Variants in ATP2B3 observed in about 807,000 individuals in gnomAD.
ATP2B3 encodes the protein ATPase plasma membrane Ca2+ transporting 3, also known as plasma membrane calcium-transporting ATPase 3.
In ATP2B3, 12 loss-of-function variants were observed where a neutral mutation model predicts 70.8. The ratio of observed to expected loss-of-function variants is 0.17; its 90% confidence interval spans 0.11 to 0.27. The LOEUF is 0.27. ATP2B3 is among the 10% of genes least tolerant of loss of function. The pLI is 1.00. For missense variants in ATP2B3, 858 were observed against 1,118.5 expected (o/e 0.77, Z 3.32); for synonymous variants, 460 against 497.8 (o/e 0.92, Z 1.01).
rs782532171 is a variant in ATP2B3 at position 153,569,830 on chromosome X, T to C, written c.3342+4727T>C. 2.1e-5 allele frequency: 23 copies of C among 1,111,952 alleles called. No individual in the cohort carries two copies. In the African/African-American group the frequency reaches 3.3e-4, roughly 16 times the overall value. 91.6% of individuals were successfully genotyped at this position (1,111,952 alleles called of 1,213,427 possible). ...AATAAGCCTCCCCAGCTCGGCCTTC[T>C]CTCTTTTGCAGTCTTGCATTCCGCT... On this transcript the variant is annotated intron_variant, in intron 21 of 21. Coordinates refer to ENST00000263519, the MANE Select transcript of ATP2B3 (RefSeq NM_001001344.3).
Position 153,550,030 on chromosome X carries a change from C to G in ATP2B3, c.1582-15C>G. The G allele has an allele frequency of 8.3e-7, 1 of 1,206,097 alleles. No individual in the cohort carries two copies. The highest frequency in any genetic ancestry group is 1.1e-6 in the Non-Finnish European group (1 of 891,426). The stretch of plus-strand genomic sequence containing the variant: ...CTCAGGCCCCCAGTGCCTGCTAGCC[C>G]TCGTCATCTTGCAGCCTCCTGAGAA... On this transcript the variant is annotated splice_polypyrimidine_tract_variant and intron_variant, in intron 11 of 21. Transcript: ENST00000263519.
intron 2 of ATP2B3, among the ~76,000 whole-genome samples, chrX:153,520,751 G>T (rs1380913608): frequency 1.8e-5 from 2 of 112,420 alleles, no homozygotes; most frequent in Admixed American, 1.9e-4. Context: ...TCTGGTCTGT[G>T]CTTGTAGCCA....
rs782257947 is a variant in ATP2B3 at position 153,568,301 on chromosome X, G to A, written c.3342+3198G>A. 5.4e-5 allele frequency among the ~76,000 whole-genome samples: 6 copies of A among 111,535 alleles called. No homozygotes were observed. The South Asian group carries it at 2.3e-3, about 42-fold the overall frequency. On this transcript the variant is annotated intron_variant, in intron 21 of 21. Coordinates refer to ENST00000263519, the MANE Select transcript of ATP2B3 (RefSeq NM_001001344.3). ...TCGTCAGCAACTGGGCCTTGCTCCC[G>A]GCTCAGCTCTTGGGCTTCCAGGTGT... is the stretch of plus-strand genomic sequence containing the variant.
chrX:153,580,067 G>A lies in ATP2B3; in HGVS notation c.3432G>A (p.Thr1144=), dbSNP rs782570248. 3 of 1,211,825 alleles carry A rather than the reference G, an allele frequency of 2.5e-6. No homozygotes were observed. The highest frequency in any genetic ancestry group is 2.3e-4 in the Middle Eastern group (1 of 4,354). The stretch of plus-strand genomic sequence containing the variant: ...CCTCCATTCACAACTTCATGGCCAC[G>A]CCCGAGTTTCTGATCAATGACTACA... The part of the protein sequence containing the change: ...SKTSIHNFMA[T]PEFLINDYTH... The change falls in exon 22 of 22, where the codon ACG becomes ACA. Residue 1144 remains threonine (T), a synonymous_variant. Transcript: ENST00000263519.
intron 20 of ATP2B3, among the ~76,000 whole-genome samples, chrX:153,563,652 G>A (rs1405192523): frequency 1.8e-5 from 2 of 111,606 alleles, no homozygotes; most frequent in African/African-American, 3.3e-5. Context: ...TTCACTTCCC[G>A]AAACCTGGAC....
At chrX:153,524,298 CTTTAA>C (rs1299980819) in intron 2 of ATP2B3, among the ~76,000 whole-genome samples, 4 of 110,238 alleles carry the variant, frequency 3.6e-5, no homozygotes, top group South Asian at 7.8e-4. Context: ...ATACTTAACT[CTTTAA>C]TTTAGGGATT....
intron 17 of ATP2B3, 50 bp from the exon 18 acceptor site, chrX:153,559,679 A>G (rs1175479187): frequency 6.1e-6 from 7 of 1,155,551 alleles, no homozygotes; most frequent in Non-Finnish European, 7.0e-6. Context: ...TCCACCCCCA[A>G]CCTTCCCGGG....
chrX:153,528,446 A>T (rs1298593977), intron 2 of ATP2B3, among the ~76,000 whole-genome samples: 1 of 111,409 alleles, frequency 9.0e-6, no homozygotes, highest in Non-Finnish European at 1.9e-5. Flanking sequence ...TTCTAGGACA[A>T]TATCACCCCC....
At chrX:153,553,416 T>A in intron 13 of ATP2B3, 147 bp downstream of exon 13, 1 of 496,160 alleles carries the variant, frequency 2.0e-6, no homozygotes, top group Non-Finnish European at 3.3e-6. Flanking sequence ...GCTCTCACCC[T>A]GACACCCGCA....
At chrX:153,540,692 C>T (rs372848697) in intron 3 of ATP2B3, among the ~76,000 whole-genome samples, 1 of 112,421 alleles carries the variant, frequency 8.9e-6, no homozygotes, top group South Asian at 3.7e-4. Flanking sequence ...GACCGGCTGG[C>T]CCCATCTTAC....
chrX:153,550,326 T>C (rs2090437869), intron 12 of ATP2B3, 40 bp downstream of exon 12: 1 of 1,204,295 alleles, frequency 8.3e-7, no homozygotes, highest in Non-Finnish European at 1.1e-6. Flanking sequence ...ACGCACGGAG[T>C]TTCTGATTCT....
chrX:153,534,127 C>G (rs1557002900), intron 2 of ATP2B3, among the ~76,000 whole-genome samples: 1 of 111,495 alleles, frequency 9.0e-6, no homozygotes, highest in Non-Finnish European at 1.9e-5. Context: ...CATGAGGTGA[C>G]TGGAGCTCAG....
At chrX:153,528,544 G>C (rs986643174) in intron 2 of ATP2B3, among the ~76,000 whole-genome samples, 5 of 111,723 alleles carry the variant, frequency 4.5e-5, no homozygotes, top group African/African-American at 1.6e-4. Context: ...GCTGGATTTG[G>C]GTTAGGAGTG....
In ATP2B3 at chrX:153,580,529, G is replaced by A; in HGVS notation, c.*231G>A. 3 of 350,521 alleles carry A rather than the reference G, an allele frequency of 8.6e-6. No individual in the cohort carries two copies. Among genetic ancestry groups the A allele is most frequent in the South Asian group, 9.3e-5 (1 of 10,741 alleles). The allele number at this position is 350,521 out of a possible 1,213,427, so 28.9% of individuals were successfully genotyped here. A position where few individuals can be genotyped will look rare whatever the true frequency, so the allele number is the denominator to read the frequency against. On this transcript the variant is annotated 3_prime_UTR_variant, in exon 22 of 22. Coordinates refer to ENST00000263519, the MANE Select transcript of ATP2B3 (RefSeq NM_001001344.3). Reference sequence around the variant, plus strand: ...GGACTGAGGAAGACGAGGACAGGGAGGAGGAAAAGGAGGAAGAGGAGGACA... The same window carrying A: ...GGACTGAGGAAGACGAGGACAGGGAAGAGGAAAAGGAGGAAGAGGAGGACA...
At chrX:153,550,847 C>G (rs1234661784) in intron 12 of ATP2B3, among the ~76,000 whole-genome samples, 2 of 111,413 alleles carry the variant, frequency 1.8e-5, no homozygotes, top group African/African-American at 6.5e-5. Context: ...TCCACCCACC[C>G]GGCCTCCCTA....
chrX:153,552,665 G>A (rs2090474184), intron 12 of ATP2B3, among the ~76,000 whole-genome samples: 1 of 112,664 alleles, frequency 8.9e-6, no homozygotes, highest in Non-Finnish European at 1.9e-5. Context: ...GCCTGCAGCA[G>A]TGCATGAGCG....
At position 153,580,279 on chromosome X, in the gene ATP2B3, G is replaced by A. The variant is rs2090908090; in HGVS notation, c.3644G>A (p.Ser1215Asn). Residue 1215 changes from serine to asparagine, a missense_variant, in exon 22 of 22, where the codon AGC (serine) becomes AAC (asparagine). Coordinates refer to ENST00000263519, the MANE Select transcript of ATP2B3 (RefSeq NM_001001344.3). The part of the protein sequence containing the change: ...FSSSPGSPLH[S>N]VETSL ...TCCAGTCCCGGGAGCCCGCTCCACA[G>A]CGTGGAGACGTCCCTCTAACAAGAA... 1.7e-6 allele frequency: 2 copies of A among 1,204,125 alleles called. No homozygotes were observed. The highest frequency in any genetic ancestry group is 4.4e-5 in the Admixed American group (2 of 45,534).
intron 10 of ATP2B3, 64 bp from the exon 11 acceptor site, chrX:153,549,433 C>T: frequency 8.3e-7 from 1 of 1,200,732 alleles, no homozygotes; most frequent in African/African-American, 1.7e-5. Context: ...TTTGTGTTGA[C>T]ATCTCTCACT....
In ATP2B3 at chrX:153,550,108, G is replaced by A; in HGVS notation, c.1645G>A (p.Gly549Ser). The part of the protein sequence containing the change: ...VGNKTECALL[G>S]FVLDLKRDFQ... ...CAATAAGACGGAGTGCGCCCTGCTG[G>A]GCTTCGTCTTGGACCTGAAGCGGGA... Residue 549 changes from glycine to serine, a missense_variant, in exon 12 of 22, where the codon GGC becomes AGC. Coordinates refer to ENST00000263519, the MANE Select transcript of ATP2B3 (RefSeq NM_001001344.3). 1.6e-6 allele frequency: 2 copies of A among 1,212,398 alleles called. No individual in the cohort carries two copies. Among genetic ancestry groups the A allele is most frequent in the Non-Finnish European group, 2.2e-6 (2 of 895,639 alleles).
Sources: gnomAD v4.1 joint callset for allele counts (sites outside exome capture counted in the v4.1 genomes callset) on GRCh38, gnomAD v4.1.1 for gene constraint, MANE v1.5 for transcripts, NCBI Gene and HGNC (gene_info 2026-07-23, HGNC 2026-07-21) for gene names.